RBFOX1: variants seen among roughly 807,000 people sequenced by gnomAD.
RBFOX1 encodes RNA binding protein fox-1 homolog 1.
In RBFOX1, 8 loss-of-function variants were observed where a neutral mutation model predicts 57.7. The ratio of observed to expected loss-of-function variants is 0.14; its 90% CI spans 0.08 to 0.25. The LOEUF is 0.25. Ranked by LOEUF, RBFOX1 falls within the 10% of genes least tolerant of loss-of-function variation. The pLI, the probability that RBFOX1 is intolerant of heterozygous loss-of-function variation, is 1.00. For synonymous variants in RBFOX1, 326 were observed against 222.4 expected (o/e 1.47, Z -4.15); for missense variants, 611 against 548.5 (o/e 1.11, Z -1.14).
At chr16:6,970,287 C>A (rs541706240) in intron 3 of RBFOX1, among the ~76,000 whole-genome samples, 1 of 152,156 alleles carries the variant, frequency 6.6e-6, no homozygotes, top group African/African-American at 2.4e-5. Context: ...AATGACCCAA[C>A]AACATCATCA....
At chr16:7,552,923 T>C (rs1436094453) in intron 5 of RBFOX1, among the ~76,000 whole-genome samples, 1 of 152,108 alleles carries the variant, frequency 6.6e-6, no homozygotes, top group African/African-American at 2.4e-5. Flanking sequence ...CCTCAGGTGA[T>C]CTGCCCGCCT....
intron 1 of RBFOX1, among the ~76,000 whole-genome samples, chr16:6,167,106 G>A (rs1247677050): frequency 6.6e-6 from 1 of 152,204 alleles, no homozygotes; most frequent in Non-Finnish European, 1.5e-5. Context: ...GCGAGATGAT[G>A]AGAAGGGAGG....
intron 2 of RBFOX1, among the ~76,000 whole-genome samples, chr16:5,564,687 C>T (rs1007816092): frequency 6.6e-6 from 1 of 152,180 alleles, no homozygotes; most frequent in Non-Finnish European, 1.5e-5. Context: ...TCCAGGCTTT[C>T]TGGCAAGCAT....
chr16:6,649,843 A>T (rs925750219), intron 2 of RBFOX1, among the ~76,000 whole-genome samples: 2 of 152,266 alleles, frequency 1.3e-5, no homozygotes, highest in South Asian at 4.1e-4. Flanking sequence ...TATGTATAGT[A>T]TATTATATAT....
intron 1 of RBFOX1, among the ~76,000 whole-genome samples, chr16:6,173,899 GTTTT>G (rs140365278): frequency 1.3e-4 from 20 of 151,452 alleles, no homozygotes; most frequent in African/African-American, 4.6e-4. Flanking sequence ...TTGTTTGTTT[GTTTT>G]TTTTACTAAT....
intron 2 of RBFOX1, among the ~76,000 whole-genome samples, chr16:6,642,394 T>A (rs549856591): frequency 1.3e-5 from 2 of 152,270 alleles, no homozygotes; most frequent in African/African-American, 4.8e-5. Context: ...TAGCTCTTAT[T>A]TGCAAACAGA....
chr16:6,597,718 T>G (rs940670529), intron 2 of RBFOX1, among the ~76,000 whole-genome samples: 1 of 152,106 alleles, frequency 6.6e-6, no homozygotes, highest in Non-Finnish European at 1.5e-5. Flanking sequence ...TTCTGGCTGC[T>G]GAAACATCAG....
intron 2 of RBFOX1, among the ~76,000 whole-genome samples, chr16:6,584,352 T>TATG (rs2097576973): frequency 7.1e-6 from 1 of 140,650 alleles, no homozygotes; most frequent in Non-Finnish European, 1.6e-5. Flanking sequence ...TTATTATTAT[T>TATG]ATTATTATTA....
At chr16:7,630,456 A>G (rs907235182) in intron 10 of RBFOX1, 147 bp from the exon 11 acceptor site, 22 of 1,498,504 alleles carry the variant, frequency 1.5e-5, no homozygotes, top group Non-Finnish European at 1.7e-5. Flanking sequence ...TGGCTAAGGC[A>G]GGGGGCTTTG....
intron 1 of RBFOX1, among the ~76,000 whole-genome samples, chr16:6,121,667 A>G (rs2096550673): frequency 6.6e-6 from 1 of 152,138 alleles, no homozygotes. Flanking sequence ...TTAGTGTAGC[A>G]TGGTGGTTAA....
intron 2 of RBFOX1, among the ~76,000 whole-genome samples, chr16:5,594,664 G>C (rs1224955118): frequency 1.3e-5 from 2 of 152,074 alleles, no homozygotes; most frequent in Non-Finnish European, 1.5e-5. Context: ...ATCTCCAAAG[G>C]AGACAGTCAG....
At chr16:7,054,380 C>G (rs2051306782) in intron 4 of RBFOX1, among the ~76,000 whole-genome samples, 1 of 151,062 alleles carries the variant, frequency 6.6e-6, no homozygotes, top group Non-Finnish European at 1.5e-5. Context: ...GCTGGGATTA[C>G]AGGCACGCGC....
At chr16:6,197,457 G>A (rs1170929587) in intron 1 of RBFOX1, among the ~76,000 whole-genome samples, 1 of 152,016 alleles carries the variant, frequency 6.6e-6, no homozygotes, top group Non-Finnish European at 1.5e-5. Context: ...GCCAACACTG[G>A]GTTGCTTGTT....
At chr16:7,185,648 A>G (rs954977325) in intron 4 of RBFOX1, among the ~76,000 whole-genome samples, 11 of 152,290 alleles carry the variant, frequency 7.2e-5, no homozygotes, top group African/African-American at 1.9e-4. Flanking sequence ...TCATAAATCA[A>G]TTTAGTTTGC....
intron 3 of RBFOX1, among the ~76,000 whole-genome samples, chr16:6,734,775 GTTGTAC>G (rs2069656218): frequency 6.6e-6 from 1 of 152,140 alleles, no homozygotes; most frequent in Admixed American, 6.6e-5. Flanking sequence ...GACAATATAA[GTTGTAC>G]TTAAGATTTG....
At chr16:6,626,843 T>G (rs2098315236) in intron 2 of RBFOX1, among the ~76,000 whole-genome samples, 1 of 152,202 alleles carries the variant, frequency 6.6e-6, no homozygotes, top group Non-Finnish European at 1.5e-5. Flanking sequence ...GTTGTAAACA[T>G]GCTTTTATGT....
chr16:7,297,986 CAT>C (rs1336415893), intron 4 of RBFOX1, among the ~76,000 whole-genome samples: 15 of 152,252 alleles, frequency 9.9e-5, no homozygotes, highest in East Asian at 1.9e-4. Context: ...CATCCACACA[CAT>C]GTTTTTAAAG....
At chr16:6,943,255 T>G (rs954178179) in intron 3 of RBFOX1, among the ~76,000 whole-genome samples, 2 of 152,212 alleles carry the variant, frequency 1.3e-5, no homozygotes, top group Non-Finnish European at 2.9e-5. Flanking sequence ...AGTCAATGAC[T>G]GATCAAGGTG....
chr16:6,740,177 C>A (rs1401769457), intron 3 of RBFOX1, among the ~76,000 whole-genome samples: 1 of 152,130 alleles, frequency 6.6e-6, no homozygotes, highest in East Asian at 1.9e-4. Context: ...CACATGCTCA[C>A]ATTAGCTGAT....
Sources: allele counts gnomAD v4.1 joint callset (sites outside exome capture counted in the v4.1 genomes callset), GRCh38; gene constraint gnomAD v4.1.1; transcripts MANE v1.5; gene names NCBI Gene and HGNC (gene_info 2026-07-23, HGNC 2026-07-21).